TRAF2: variants seen among roughly 807,000 people sequenced by gnomAD.
TRAF2 encodes the protein TNF receptor-associated factor 2.
Under a neutral mutation model 55.6 loss-of-function variants are expected in TRAF2, and 6 were observed. The ratio of observed to expected loss-of-function variants is 0.11; its 90% confidence interval spans 0.06 to 0.21. The LOEUF (loss-of-function observed/expected upper bound fraction) is 0.21, where lower values mean the gene tolerates loss of function less well. TRAF2 is among the 10% of genes least tolerant of loss of function. The probability of loss-of-function intolerance (pLI) is 1.00; values close to 1 mark genes in which losing one functional copy is unlikely to be tolerated. For missense variants in TRAF2, 561 were observed against 684.5 expected (o/e 0.82, Z 2.01); for synonymous variants, 329 against 276.3 (o/e 1.19, Z -1.89).
Position 136,920,529 on chromosome 9 carries a change from G to C in TRAF2, c.960+14G>C. On this transcript the variant is annotated intron_variant, in intron 8 of 10. Coordinates refer to ENST00000247668, the MANE Select transcript of TRAF2 (RefSeq NM_021138.4). The stretch of plus-strand genomic sequence containing the variant: ...CTGAGTAGCAAGGTTTGTGCCTGCC[G>C]GGTGGCCAGCCATGAGGAGGACAGT... 6.3e-7 allele frequency: 1 copy of C among 1,599,670 alleles called. No individual in the cohort carries two copies. The highest frequency in any genetic ancestry group is 8.5e-7 in the Non-Finnish European group (1 of 1,171,712).
At chr9:136,919,713 C>T (rs1205457624) in intron 7 of TRAF2, among the ~76,000 whole-genome samples, 1 of 97,064 alleles carries the variant, frequency 1.0e-5, no homozygotes, top group Non-Finnish European at 2.1e-5. Context: ...CGTCCTGTCC[C>T]GTCCCTTTTT....
intron 4 of TRAF2, among the ~76,000 whole-genome samples, chr9:136,907,555 G>C (rs1298951223): frequency 6.6e-6 from 1 of 152,250 alleles, no homozygotes; most frequent in Non-Finnish European, 1.5e-5. Context: ...CCTGGTGCTG[G>C]AGGCAGAGGC....
rs777447821 is a variant in TRAF2 at position 136,900,472 on chromosome 9, C to T, written c.318C>T (p.Val106=). Residue 106 remains valine (V), a synonymous_variant, in exon 4 of 11, where the codon GTC becomes GTT. Coordinates refer to ENST00000247668, the MANE Select transcript of TRAF2 (RefSeq NM_021138.4). ...GGGAGGTGGAGAGCCTGCCGGCCGT[C>T]TGTCCCAGTGATGGATGCACCTGGA... ...ARREVESLPA[V]CPSDGCTWKG... 5.6e-6 allele frequency: 9 copies of T among 1,613,334 alleles called. No individual in the cohort carries two copies. Among genetic ancestry groups the T allele is most frequent in the Non-Finnish European group, 7.6e-6 (9 of 1,179,442 alleles).
chr9:136,884,781 C>T (rs116988548), upstream of TRAF2, among the ~76,000 whole-genome samples: 1,915 of 152,282 alleles, frequency 0.013, 51 homozygotes, highest in Admixed American at 0.058. Flanking sequence ...ATGCTGGTTT[C>T]GAACTCATGG....
chr9:136,887,840 A>C (rs1294571050), intron 1 of TRAF2, among the ~76,000 whole-genome samples: 1 of 152,166 alleles, frequency 6.6e-6, no homozygotes, highest in Non-Finnish European at 1.5e-5. Context: ...TTTGAGCCTG[A>C]AAAAGATGGG....
At chr9:136,905,877 G>C (rs1041594852) in intron 4 of TRAF2, among the ~76,000 whole-genome samples, 2 of 152,174 alleles carry the variant, frequency 1.3e-5, no homozygotes, top group Admixed American at 1.3e-4. Flanking sequence ...GGCCAAGGCA[G>C]GTGAATCACG....
At position 136,907,999 on chromosome 9, in the gene TRAF2, C is replaced by T. The variant is rs1588432543; in HGVS notation, c.367-71C>T. The T allele has an allele frequency of 1.2e-5, 18 of 1,535,974 alleles. No homozygotes were observed. The East Asian group carries it at 3.8e-4, about 33-fold the overall frequency. On this transcript the variant is annotated intron_variant, in intron 4 of 10. Coordinates refer to ENST00000247668, the MANE Select transcript of TRAF2 (RefSeq NM_021138.4). Reference sequence around the variant, plus strand: ...AAGCCAGCGCTACATCGCCTTGTGTCCCCGGGTGAAGCTGTGGCTGCCCAA... The same window carrying T: ...AAGCCAGCGCTACATCGCCTTGTGTTCCCGGGTGAAGCTGTGGCTGCCCAA...
chr9:136,925,915 G>T lies in TRAF2; in HGVS notation c.*14G>T, dbSNP rs1477036103. On this transcript the variant is annotated 3_prime_UTR_variant, in exon 11 of 11. Coordinates refer to ENST00000247668, the MANE Select transcript of TRAF2 (RefSeq NM_021138.4). Reference sequence around the variant, plus strand: ...ACAGGGCTCTAACTGCCCCCTACTGGTGTCTGGGGGTTGGGGGCAGCCAGG... The same window carrying T: ...ACAGGGCTCTAACTGCCCCCTACTGTTGTCTGGGGGTTGGGGGCAGCCAGG... 1.9e-6 allele frequency: 3 copies of T among 1,613,410 alleles called. No homozygotes were observed. The East Asian group carries it at 6.7e-5, about 36-fold the overall frequency.
chr9:136,907,559 C>T (rs1023795573), intron 4 of TRAF2, among the ~76,000 whole-genome samples: 4 of 152,240 alleles, frequency 2.6e-5, no homozygotes, highest in Admixed American at 2.6e-4. Flanking sequence ...GTGCTGGAGG[C>T]AGAGGCCAGC....
At chr9:136,915,749 T>A (rs79019972) in intron 6 of TRAF2, among the ~76,000 whole-genome samples, 76 of 152,302 alleles carry the variant, frequency 5.0e-4, no homozygotes, top group African/African-American at 1.8e-3. Flanking sequence ...CATCTGTGCT[T>A]CTCTTGCTGT....
At chr9:136,886,597 G>C (rs1405876443) in intron 1 of TRAF2, 56 bp downstream of exon 1, 2 of 978,260 alleles carry the variant, frequency 2.0e-6, no homozygotes, top group Non-Finnish European at 2.4e-6. Context: ...GGTCGGGTGC[G>C]GGGTCGGGCG....
Position 136,900,463 on chromosome 9 carries a change from G to A in TRAF2, c.309G>A (p.Leu103=), listed in dbSNP as rs770029723. ...CTGCCCGCAGGGAGGTGGAGAGCCT[G>A]CCGGCCGTCTGTCCCAGTGATGGAT... is the stretch of plus-strand genomic sequence containing the variant. ...DNAARREVES[L]PAVCPSDGCT... is the part of the protein sequence containing the mutation. The change falls in exon 4 of 11, where the codon CTG becomes CTA. Residue 103 remains leucine (L), a synonymous_variant. Coordinates refer to ENST00000247668, the MANE Select transcript of TRAF2 (RefSeq NM_021138.4). 95 of 1,612,270 alleles carry A rather than the reference G, an allele frequency of 5.9e-5. No homozygotes were observed. In the Middle Eastern group the frequency reaches 2.1e-3, roughly 36 times the overall value.
intron 7 of TRAF2, 59 bp from the exon 8 acceptor site, chr9:136,920,175 C>T (rs1850349611): frequency 6.6e-7 from 1 of 1,522,312 alleles, no homozygotes; most frequent in African/African-American, 1.4e-5. Context: ...TGGTGGCCGT[C>T]CCCGGGTGGG....
intron 7 of TRAF2, among the ~76,000 whole-genome samples, chr9:136,917,457 C>CT (rs2131324201): frequency 6.6e-6 from 1 of 152,340 alleles, no homozygotes; most frequent in South Asian, 2.1e-4. Context: ...CACCTCGTGT[C>CT]TTTGTCTCTT....
intron 3 of TRAF2, among the ~76,000 whole-genome samples, chr9:136,900,058 TTGGGAGGCTGAAG>T (rs1323902041): frequency 5.3e-5 from 8 of 152,016 alleles, no homozygotes; most frequent in African/African-American, 1.9e-4. Flanking sequence ...TCCCAGCCAC[TTGGGAGGCTGAAG>T]TGGGAGGATT....
At chr9:136,899,453 C>T (rs1849764748) in intron 2 of TRAF2, 141 bp from the exon 3 acceptor site, 3 of 655,120 alleles carry the variant, frequency 4.6e-6, no homozygotes, top group Non-Finnish European at 7.8e-6. Context: ...GTCCTGTTAA[C>T]ATTTGCCTGC....
At chr9:136,884,324 C>A (rs977539151), upstream of TRAF2, among the ~76,000 whole-genome samples, 1 of 151,614 alleles carries the variant, frequency 6.6e-6, no homozygotes, top group Non-Finnish European at 1.5e-5. Context: ...TTTGGGAGGC[C>A]GAGGCAGGCA....
intron 4 of TRAF2, among the ~76,000 whole-genome samples, chr9:136,906,252 C>T (rs1477994010): frequency 6.6e-6 from 1 of 152,134 alleles, no homozygotes; most frequent in Admixed American, 6.5e-5. Context: ...GCACTCCAGC[C>T]TAGGTAACTG....
intron 7 of TRAF2, 97 bp downstream of exon 7, chr9:136,916,712 C>A: frequency 8.5e-7 from 1 of 1,179,426 alleles, no homozygotes. Flanking sequence ...TCCAGCTGCT[C>A]CTCAGCCACC....
Sources: allele counts gnomAD v4.1 joint callset (sites outside exome capture counted in the v4.1 genomes callset), GRCh38; gene constraint gnomAD v4.1.1; transcripts MANE v1.5; gene names NCBI Gene and HGNC (gene_info 2026-07-23, HGNC 2026-07-21).